Variants in PATJ observed in about 807,000 individuals in gnomAD.
PATJ encodes inaD-like protein.
In PATJ, 190 loss-of-function variants were observed where a neutral mutation model predicts 224.9. The ratio of observed to expected loss-of-function variants is 0.84; its 90% CI spans 0.75 to 0.95. The LOEUF is 0.95. Ranked by LOEUF, PATJ falls within the 40% of genes least tolerant of loss-of-function variation. The probability of loss-of-function intolerance (pLI) is 0.00; values close to 1 mark genes in which losing one functional copy is unlikely to be tolerated. For synonymous variants in PATJ, 769 were observed against 820.3 expected, an observed-to-expected ratio of 0.94 and a Z score of 1.07; for missense variants, 2,121 against 2,270.3, an observed-to-expected ratio of 0.93 and a Z score of 1.34.
intron 17 of PATJ, among the ~76,000 whole-genome samples, chr1:61,838,259 A>G (rs1660505762): frequency 6.6e-6 from 1 of 152,216 alleles, no homozygotes; most frequent in African/African-American, 2.4e-5. Context: ...TAGGAGATTC[A>G]CTGATCTCCA....
intron 14 of PATJ, among the ~76,000 whole-genome samples, chr1:61,820,388 G>A (rs1446250111): frequency 2.5e-4 from 38 of 151,560 alleles, no homozygotes. Context: ...TGTTGCCCAG[G>A]CTAGAGTGCA....
intron 7 of PATJ, 44 bp from the exon 8 acceptor site, chr1:61,787,710 T>G (rs776473787): frequency 2.1e-6 from 3 of 1,441,304 alleles, no homozygotes; most frequent in Non-Finnish European, 2.9e-6. Flanking sequence ...ACCAGTGAAG[T>G]TACAGCATTT....
chr1:61,860,942 T>G (rs1664441302), intron 18 of PATJ, among the ~76,000 whole-genome samples: 1 of 151,944 alleles, frequency 6.6e-6, no homozygotes, highest in African/African-American at 2.4e-5. Context: ...TTTGGCAAAT[T>G]ACTGTGTCCA....
intron 27 of PATJ, among the ~76,000 whole-genome samples, chr1:61,936,454 C>T (rs747606764): frequency 3.5e-5 from 5 of 144,494 alleles, no homozygotes; most frequent in Admixed American, 6.9e-5. Context: ...AAAAAAAAGC[C>T]GGAAAGGAAG....
intron 5 of PATJ, among the ~76,000 whole-genome samples, chr1:61,770,134 C>T (rs1646517515): frequency 6.6e-6 from 1 of 152,158 alleles, no homozygotes; most frequent in African/African-American, 2.4e-5. Context: ...TTTGAATTCA[C>T]ATCCTCCATT....
At chr1:61,838,521 A>ATTTTTTTTTTTTTTTTTT (rs34877280) in intron 17 of PATJ, among the ~76,000 whole-genome samples, 1 of 115,574 alleles carries the variant, frequency 8.7e-6, no homozygotes, top group African/African-American at 3.4e-5. Context: ...CGCCTGGCTA[A>ATTTTTTTTTTTTTTTTTT]TTTTTTTTTT....
At position 62,124,032 on chromosome 1, in the gene PATJ, C is replaced by G. The variant is rs138125028; in HGVS notation, c.5043+974C>G. 8.7e-4 allele frequency among the ~76,000 whole-genome samples: 133 copies of G among 152,070 alleles called. 1 individual carries two copies. In the East Asian group the frequency reaches 0.016, roughly 18 times the overall value. Reference sequence around the variant, plus strand: ...ATTTCATTCATAAATTTGTCGAACCCTGATTTTCAGACTCCTGTGTGATGA... The same window carrying G: ...ATTTCATTCATAAATTTGTCGAACCGTGATTTTCAGACTCCTGTGTGATGA... On this transcript the variant is annotated intron_variant, in intron 39 of 43. Transcript: ENST00000642238.
chr1:61,984,897 A>C (rs1460399185), intron 27 of PATJ, among the ~76,000 whole-genome samples: 4 of 152,040 alleles, frequency 2.6e-5, no homozygotes, highest in South Asian at 4.1e-4. Context: ...TTGAAAACAA[A>C]TTCAGTATTA....
intron 43 of PATJ, among the ~76,000 whole-genome samples, chr1:62,158,161 T>C (rs926526667): frequency 6.7e-6 from 1 of 149,318 alleles, no homozygotes; most frequent in Non-Finnish European, 1.5e-5. Context: ...AGCAAGTGAG[T>C]AAAGAGCCAC....
intron 28 of PATJ, among the ~76,000 whole-genome samples, chr1:62,001,287 T>A (rs1434260756): frequency 6.6e-6 from 1 of 151,618 alleles, no homozygotes; most frequent in Non-Finnish European, 1.5e-5. Flanking sequence ...TGAATGGTAA[T>A]GCCTAGGTTT....
chr1:61,991,391 TA>T (rs1645056102), intron 28 of PATJ: 5 of 552,714 alleles, frequency 9.0e-6, no homozygotes, highest in Non-Finnish European at 9.2e-6. Context: ...TTAGGACATT[TA>T]GGGGAGCTAA....
chr1:62,149,636 T>G (rs933955572), intron 42 of PATJ, among the ~76,000 whole-genome samples: 1 of 151,742 alleles, frequency 6.6e-6, no homozygotes, highest in Non-Finnish European at 1.5e-5. Flanking sequence ...AGGACCTTTA[T>G]AGGAAGTACA....
intron 27 of PATJ, among the ~76,000 whole-genome samples, chr1:61,976,667 C>G (rs1571606145): frequency 6.6e-6 from 1 of 152,134 alleles, no homozygotes; most frequent in East Asian, 1.9e-4. Flanking sequence ...CTCAGCCTCC[C>G]AAAGTGCTGG....
intron 30 of PATJ, chr1:62,038,713 G>C: frequency 3.3e-6 from 1 of 306,406 alleles, no homozygotes; most frequent in Non-Finnish European, 6.2e-6. Context: ...TTTTTTCTTT[G>C]TTTCTACAGT....
intron 33 of PATJ, among the ~76,000 whole-genome samples, chr1:62,087,129 A>G (rs2148770185): frequency 6.6e-6 from 1 of 152,154 alleles, no homozygotes; most frequent in East Asian, 1.9e-4. Context: ...ATTAGGTTGC[A>G]CAGACACTTG....
chr1:61,812,070 A>G (rs1028726857), intron 14 of PATJ, among the ~76,000 whole-genome samples: 13 of 151,994 alleles, frequency 8.6e-5, no homozygotes, highest in African/African-American at 2.4e-4. Context: ...CAAAAAAAAA[A>G]CACTATATTT....
chr1:62,068,875 C>A (rs78053773), intron 31 of PATJ, among the ~76,000 whole-genome samples: 4,512 of 152,212 alleles, frequency 0.03, 151 homozygotes, highest in East Asian at 0.15. Flanking sequence ...ATGAGATGAC[C>A]TTTCTACAAC....
At chr1:61,749,948 G>A (rs1281272875) in intron 1 of PATJ, among the ~76,000 whole-genome samples, 1 of 152,160 alleles carries the variant, frequency 6.6e-6, no homozygotes, top group Non-Finnish European at 1.5e-5. Flanking sequence ...AAAGTGCTGG[G>A]ATAACAGATG....
At position 62,076,658 on chromosome 1, in the gene PATJ, C is replaced by T. The variant is rs543487159; in HGVS notation, c.4126-2792C>T. Among the ~76,000 whole-genome samples, 86 of 152,276 alleles carry T rather than the reference C, an allele frequency of 5.6e-4. 1 individual carries two copies. Among genetic ancestry groups the T allele is most frequent in the Middle Eastern group, 3.4e-3 (1 of 294 alleles). On this transcript the variant is annotated intron_variant, in intron 31 of 43. Coordinates refer to ENST00000642238, the MANE Select transcript of PATJ (RefSeq NM_001350145.3). ...GTATCTATCAGGGACCTATTATGCA[C>T]CAGATGCTACATGAAACTGGGATAT...
Sources: allele counts gnomAD v4.1 joint callset (sites outside exome capture counted in the v4.1 genomes callset), GRCh38; gene constraint gnomAD v4.1.1; transcripts MANE v1.5; gene names NCBI Gene and HGNC (gene_info 2026-07-23, HGNC 2026-07-21).